The following RNF207 variants were observed in gnomAD, a reference collection of about 807,000 sequenced individuals.
The protein encoded by RNF207 is OTTHUMG00000001089.
A neutral mutation model predicts 79.0 loss-of-function variants in RNF207; 72 were observed. The observed-to-expected ratio is 0.91, with a 90% CI of 0.75 to 1.11. The LOEUF (loss-of-function observed/expected upper bound fraction) is 1.11, where lower values mean the gene tolerates loss of function less well. RNF207 is among the 50% of genes least tolerant of loss of function. The pLI, the probability that RNF207 is intolerant of heterozygous loss-of-function variation, is 0.00. For missense variants in RNF207, 936 were observed against 855.8 expected, an observed-to-expected ratio of 1.09 and a Z score of -1.17; for synonymous variants, 348 against 366.2, an observed-to-expected ratio of 0.95 and a Z score of 0.57.
chr1:6,209,351 CAGGG>C lies in RNF207; in HGVS notation c.627+9_627+12del. On this transcript the variant is annotated intron_variant, in intron 6 of 17. Transcript: ENST00000377939. Reference sequence around the variant, plus strand: ...CTGGAGCAGGCGGTGCTGGTGAGCGCAGGGGCCTGGCGCGCGGGGCCGCGCGGCG... The same window carrying C: ...CTGGAGCAGGCGGTGCTGGTGAGCGCGCCTGGCGCGCGGGGCCGCGCGGCG... 1 of 1,540,008 alleles carries C rather than the reference CAGGG, an allele frequency of 6.5e-7. No homozygotes were observed. The highest frequency in any genetic ancestry group is 8.7e-7 in the Non-Finnish European group (1 of 1,145,058).
intron 16 of RNF207, among the ~76,000 whole-genome samples, chr1:6,214,299 T>A (rs1367599541): frequency 1.3e-5 from 2 of 152,244 alleles, no homozygotes; most frequent in Non-Finnish European, 2.9e-5. Flanking sequence ...GCTCCCAGTG[T>A]TCTGAGATTT....
At chr1:6,213,806 G>A (rs891239862) in intron 16 of RNF207, among the ~76,000 whole-genome samples, 5 of 152,182 alleles carry the variant, frequency 3.3e-5, no homozygotes, top group African/African-American at 1.2e-4. Context: ...GCAGAGTCCT[G>A]ACCAGGCTGT....
intron 16 of RNF207, 34 bp downstream of exon 16, chr1:6,213,217 G>A: frequency 1.4e-6 from 2 of 1,390,514 alleles, no homozygotes; most frequent in Non-Finnish European, 2.0e-6. Flanking sequence ...GGGCCACTGA[G>A]ACTCTTCAGA....
Position 6,210,365 on chromosome 1 carries a change from C to T in RNF207, c.874-5C>T. On this transcript the variant is annotated splice_region_variant and splice_polypyrimidine_tract_variant and intron_variant, in intron 9 of 17. Coordinates refer to ENST00000377939, the MANE Select transcript of RNF207 (RefSeq NM_207396.3). ...CCAGGCACTGAGCAGCATCCCCTCC[C>T]CCAGGTCCACCTGGTCATCTGCTCC... is the stretch of plus-strand genomic sequence containing the variant. 1 of 1,613,598 alleles carries T rather than the reference C, an allele frequency of 6.2e-7. No homozygotes were observed. Among genetic ancestry groups the T allele is most frequent in the Non-Finnish European group, 8.5e-7 (1 of 1,179,754 alleles).
Position 6,211,875 on chromosome 1 carries a change from G to A in RNF207, c.1118G>A (p.Gly373Glu), listed in dbSNP as rs1171221272. The A allele has an allele frequency of 6.5e-6, 10 of 1,548,370 alleles. No homozygotes were observed. The highest frequency in any genetic ancestry group is 8.7e-6 in the Non-Finnish European group (10 of 1,146,606). ...ACTGGCTCTCTCCCCAGGCTGGCAG[G>A]GGGCTTAGGCCCCAAGGCGCTGACG... is the stretch of plus-strand genomic sequence containing the variant. ...AAASGANTLA[G>E]GLGPKALTGP... Residue 373 changes from glycine to glutamate, a missense_variant, in exon 13 of 18, where the codon GGG becomes GAG. Transcript: ENST00000377939. This position sits in a 1 kb window ranked among gnomAD's most constrained non-coding sequence, Gnocchi z 4.2.
intron 17 of RNF207, among the ~76,000 whole-genome samples, chr1:6,218,839 G>C (rs1032958857): frequency 1.3e-5 from 2 of 152,204 alleles, no homozygotes; most frequent in Non-Finnish European, 2.9e-5. Flanking sequence ...GCAGAGGACA[G>C]CACTGTAGAA....
At chr1:6,216,952 C>T (rs1571214436) in intron 16 of RNF207, among the ~76,000 whole-genome samples, 1 of 151,930 alleles carries the variant, frequency 6.6e-6, no homozygotes, top group Non-Finnish European at 1.5e-5. Context: ...TCACTGCAGC[C>T]GCGATCTCCC....
rs1410633987 is a variant in RNF207, at chr1:6,212,008, C to G, written c.1251C>G (p.Asn417Lys). The G allele has an allele frequency of 6.3e-7, 1 of 1,592,858 alleles. No homozygotes were observed. Among genetic ancestry groups the G allele is most frequent in the African/African-American group, 1.3e-5 (1 of 74,432 alleles). Residue 417 changes from asparagine to lysine, a missense_variant, in exon 13 of 18, where the codon AAC (asparagine) becomes AAG (lysine). Coordinates refer to ENST00000377939, the MANE Select transcript of RNF207 (RefSeq NM_207396.3). Reference sequence around the variant, plus strand: ...AGGTGCTGCTGGCGGAGGGCGAGAACACGCCCTTCGCAGAGCACTGCCGCC... The same window carrying G: ...AGGTGCTGCTGGCGGAGGGCGAGAAGACGCCCTTCGCAGAGCACTGCCGCC... ...STKVLLAEGE[N>K]TPFAEHCRHY...
rs1667970218 is a variant in RNF207 at position 6,207,712 on chromosome 1, A to C, written c.324+201A>C. 2 of 721,396 alleles carry C rather than the reference A, an allele frequency of 2.8e-6. No individual in the cohort carries two copies. The highest frequency in any genetic ancestry group is 5.4e-5 in the East Asian group (2 of 37,130). 44.7% of individuals were successfully genotyped at this position (721,396 alleles called of 1,614,324 possible). On this transcript the variant is annotated intron_variant, in intron 3 of 17. Transcript: ENST00000377939. The surrounding 1 kb of genome is among the most constrained non-coding windows in gnomAD (Gnocchi z 4.5). Reference sequence around the variant, plus strand: ...AGGTCCAGAACAAGGGACTTGAGCCAGTGTCCAGACAGTGGCAGAGGCTAA... The same window carrying C: ...AGGTCCAGAACAAGGGACTTGAGCCCGTGTCCAGACAGTGGCAGAGGCTAA...
rs756600902 is a variant in RNF207 at position 6,212,724 on chromosome 1, AT to A, written c.1528del (p.Tyr510MetfsTer11). Reference sequence around the variant, plus strand: ...TCAGCGAGTGGCTAATGAGCAGGAGATTTATGAAGGTTCCAGACAGTTGGCT... The same window carrying A: ...TCAGCGAGTGGCTAATGAGCAGGAGATTATGAAGGTTCCAGACAGTTGGCT... The part of the protein sequence containing the change: ...AYQRVANEQE[I>X]YEAQLHDLLQ... On this transcript the variant is annotated frameshift_variant, in exon 15 of 18. Coordinates refer to ENST00000377939, the MANE Select transcript of RNF207 (RefSeq NM_207396.3). LOFTEE classifies it high-confidence loss of function. 8.1e-6 allele frequency: 13 copies of A among 1,613,536 alleles called. No individual in the cohort carries two copies. The highest frequency in any genetic ancestry group is 1.1e-5 in the Non-Finnish European group (13 of 1,179,600).
At chr1:6,216,398 C>T (rs1316170473) in intron 16 of RNF207, among the ~76,000 whole-genome samples, 2 of 152,188 alleles carry the variant, frequency 1.3e-5, no homozygotes, top group Non-Finnish European at 2.9e-5. Flanking sequence ...AGAGCAGCCA[C>T]TTTGTGGATG....
chr1:6,211,792 A>C lies in RNF207; in HGVS notation c.1110-75A>C. The C allele has an allele frequency of 8.9e-7, 1 of 1,118,820 alleles. No individual in the cohort carries two copies. The highest frequency in any genetic ancestry group is 2.2e-5 in the Admixed American group (1 of 45,246). 69.3% of individuals were successfully genotyped at this position (1,118,820 alleles called of 1,614,324 possible). ...GGGCTGTGAGATCCCGGAGCAGTCC[A>C]GGGGGCTGCCCTGGGAGGCTGGGGG... On this transcript the variant is annotated intron_variant, in intron 12 of 17. Transcript: ENST00000377939. This position sits in a 1 kb window ranked among gnomAD's most constrained non-coding sequence, Gnocchi z 4.2.
Position 6,210,929 on chromosome 1 carries a change from G to C in RNF207, c.1002G>C (p.Gln334His). Residue 334 changes from glutamine to histidine, a missense_variant, in exon 11 of 18, where the codon CAG becomes CAC. Physicochemically the swap from Gln to His is conservative, Grantham distance 24 (BLOSUM62 0). Coordinates refer to ENST00000377939, the MANE Select transcript of RNF207 (RefSeq NM_207396.3). The part of the protein sequence containing the change: ...VTRPHHLRPI[Q>H]SSKIASDHRA... ...GGCCGCACCACCTAAGGCCTATTCA[G>C]AGCAGCAAGGTGTGCAGTGGCCTGG... 6.2e-7 allele frequency: 1 copy of C among 1,606,210 alleles called. No individual in the cohort carries two copies. Among genetic ancestry groups the C allele is most frequent in the East Asian group, 2.2e-5 (1 of 44,574 alleles).
chr1:6,210,079 T>G (rs1668096216), intron 8 of RNF207, 109 bp downstream of exon 8: 1 of 1,328,034 alleles, frequency 7.5e-7, no homozygotes, highest in Non-Finnish European at 1.1e-6. Context: ...CATCCGAATG[T>G]CCTCCCAGCT....
intron 1 of RNF207, 98 bp from the exon 2 acceptor site, chr1:6,206,438 C>CGCGATAGGGAGGGCGCGG (rs1186382744): frequency 7.1e-6 from 6 of 847,044 alleles, no homozygotes; most frequent in African/African-American, 1.7e-5. Flanking sequence ...CGGGTCCAGG[C>CGCGATAGGGAGGGCGCGG]GCGATAGGGA....
rs535373193 is a variant in RNF207 at position 6,211,325 on chromosome 1, C to G, written c.1109+207C>G. Among the ~76,000 whole-genome samples the G allele has an allele frequency of 7.9e-5, 12 of 152,166 alleles. No homozygotes were observed. The highest frequency in any genetic ancestry group is 1.2e-4 in the Non-Finnish European group (8 of 68,026). The stretch of plus-strand genomic sequence containing the variant: ...AAGTAGGGGAACAGGAAGCCCTGGA[C>G]CTGAAGTCCATGGCAGACCGGGCTC... On this transcript the variant is annotated intron_variant, in intron 12 of 17. Coordinates refer to ENST00000377939, the MANE Select transcript of RNF207 (RefSeq NM_207396.3). The surrounding 1 kb of genome is among the most constrained non-coding windows in gnomAD (Gnocchi z 4.2).
In RNF207 at chr1:6,220,800, A is replaced by G. The variant is rs1668522707; in HGVS notation, c.*1393A>G. 6.6e-6 allele frequency: 1 copy of G among 152,260 alleles called. No individual in the cohort carries two copies. Among genetic ancestry groups the G allele is most frequent in the Non-Finnish European group, 1.5e-5 (1 of 68,038 alleles). 9.4% of individuals were successfully genotyped at this position (152,260 alleles called of 1,614,324 possible). A position where few individuals can be genotyped will look rare whatever the true frequency, so the allele number is the denominator to read the frequency against. ...GCTTAATAAATGCTTTTTAAAAAGT[A>G]ACCCACGTGACGTAAAATTTTACAA... On this transcript the variant is annotated 3_prime_UTR_variant, in exon 18 of 18. Transcript: ENST00000377939.
At chr1:6,216,608 T>C (rs1444405091) in intron 16 of RNF207, among the ~76,000 whole-genome samples, 39 of 150,878 alleles carry the variant, frequency 2.6e-4, no homozygotes, top group Non-Finnish European at 3.1e-4. Context: ...TCGCCCAAAC[T>C]GGAGTGCAGT....
intron 17 of RNF207, 91 bp downstream of exon 17, chr1:6,218,460 T>C: frequency 1.0e-6 from 1 of 984,326 alleles, no homozygotes; most frequent in Non-Finnish European, 1.6e-6. Context: ...TTTTCCCCTT[T>C]GGCGCCAGCT....
Sources: allele counts gnomAD v4.1 joint callset (sites outside exome capture counted in the v4.1 genomes callset), GRCh38; gene constraint gnomAD v4.1.1; non-coding constraint Gnocchi (gnomAD v3.1); transcripts MANE v1.5; gene names NCBI Gene and HGNC (gene_info 2026-07-23, HGNC 2026-07-21).